The following ADGRD1 variants were observed in gnomAD, a reference collection of about 807,000 sequenced individuals.
The protein encoded by ADGRD1 is adhesion G protein-coupled receptor D1, also known as G-protein coupled receptor 133.
ADGRD1 carries 77 observed loss-of-function variants against 113.4 expected under a neutral mutation model. The observed-to-expected ratio is 0.68, with a 90% CI of 0.57 to 0.82. ADGRD1 has a LOEUF of 0.82. Among genes scored for constraint, ADGRD1 ranks in the 40% least tolerant of loss-of-function variants. The pLI is 0.00. For synonymous variants in ADGRD1, 474 were observed against 475.0 expected (o/e 1.00, Z 0.03); for missense variants, 1,036 against 1,139.1 (o/e 0.91, Z 1.30).
intron 13 of ADGRD1, among the ~76,000 whole-genome samples, chr12:131,036,110 G>A (rs1312769112): frequency 6.6e-6 from 1 of 152,202 alleles, no homozygotes; most frequent in Non-Finnish European, 1.5e-5. Context: ...GGCCCCTGGA[G>A]AGGCATGGGG....
chr12:131,018,146 C>T (rs757817536), intron 13 of ADGRD1, among the ~76,000 whole-genome samples: 8 of 152,302 alleles, frequency 5.3e-5, no homozygotes, highest in Admixed American at 2.6e-4. Flanking sequence ...AGCGGGTCTC[C>T]AGGGTGCCTC....
Position 131,049,698 on chromosome 12 carries a change from C to T in ADGRD1, c.1474-27103C>T, listed in dbSNP as rs140965564. Among the ~76,000 whole-genome samples, 550 of 152,216 alleles carry T rather than the reference C, an allele frequency of 3.6e-3. 6 individuals are homozygous for T. The highest frequency in any genetic ancestry group is 0.013 in the African/African-American group (529 of 41,544). On this transcript the variant is annotated intron_variant, in intron 13 of 24. Coordinates refer to ENST00000261654, the MANE Select transcript of ADGRD1 (RefSeq NM_198827.5). ...CAAGTGTGTGCTGCCGTCTGGGGTGCGAGCAGGGGCGGCCGTGTAGGCTGC... is the reference window on the plus strand; with the variant it reads ...CAAGTGTGTGCTGCCGTCTGGGGTGTGAGCAGGGGCGGCCGTGTAGGCTGC...
In ADGRD1 at chr12:131,120,484, C is replaced by T. The variant is rs548790393; in HGVS notation, c.2109-363C>T. On this transcript the variant is annotated intron_variant, in intron 19 of 24. Coordinates refer to ENST00000261654, the MANE Select transcript of ADGRD1 (RefSeq NM_198827.5). ...GAATGGTCAGGTGCTGCATCGCTGA[C>T]GACTCATCAGGATGGGAATCCCTCA... 2.9e-4 allele frequency among the ~76,000 whole-genome samples: 44 copies of T among 152,222 alleles called. No individual in the cohort carries two copies. The East Asian group carries it at 3.7e-3, about 13-fold the overall frequency.
intron 18 of ADGRD1, among the ~76,000 whole-genome samples, chr12:131,112,462 C>T (rs1162955416): frequency 6.6e-6 from 1 of 152,176 alleles, no homozygotes; most frequent in African/African-American, 2.4e-5. Flanking sequence ...CCCAGGAAGG[C>T]TCTTCTGAGC....
At chr12:131,010,727 G>A (rs1024124986) in intron 12 of ADGRD1, among the ~76,000 whole-genome samples, 18 of 152,176 alleles carry the variant, frequency 1.2e-4, no homozygotes, top group Admixed American at 4.6e-4. Context: ...GAAGGAAGGC[G>A]GATTTGCAAA....
intron 6 of ADGRD1, chr12:130,989,241 G>A (rs1023284860): frequency 1.3e-5 from 2 of 152,192 alleles, no homozygotes; most frequent in African/African-American, 4.8e-5. Flanking sequence ...TTTATGTTAT[G>A]AAAAGCTTCA....
intron 20 of ADGRD1, among the ~76,000 whole-genome samples, chr12:131,126,564 A>G (rs929094348): frequency 6.6e-6 from 1 of 152,168 alleles, no homozygotes; most frequent in Admixed American, 6.5e-5. Context: ...TTTATTCACA[A>G]ATCAACATTC....
At chr12:131,122,476 C>T (rs1215752234) in intron 20 of ADGRD1, among the ~76,000 whole-genome samples, 1 of 152,178 alleles carries the variant, frequency 6.6e-6, no homozygotes, top group Admixed American at 6.5e-5. Flanking sequence ...TAAAGAGTGT[C>T]AGAGGCTTCA....
At chr12:131,047,222 A>G (rs190074481) in intron 13 of ADGRD1, among the ~76,000 whole-genome samples, 1 of 152,228 alleles carries the variant, frequency 6.6e-6, no homozygotes, top group Admixed American at 6.5e-5. Flanking sequence ...CATTGAGGGC[A>G]GGGGCGAGTC....
At chr12:131,033,141 A>G (rs1593081392) in intron 13 of ADGRD1, among the ~76,000 whole-genome samples, 1 of 151,774 alleles carries the variant, frequency 6.6e-6, no homozygotes, top group South Asian at 2.1e-4. Context: ...CTGCATGCCC[A>G]CCCTCCGTGT....
intron 4 of ADGRD1, among the ~76,000 whole-genome samples, chr12:130,975,303 G>C (rs949469796): frequency 1.3e-5 from 2 of 152,158 alleles, no homozygotes; most frequent in East Asian, 3.8e-4. Context: ...GCCGACGATG[G>C]CCTGTCACTT....
At chr12:130,993,269 A>C (rs1336059179) in intron 8 of ADGRD1, among the ~76,000 whole-genome samples, 2 of 151,912 alleles carry the variant, frequency 1.3e-5, no homozygotes, top group East Asian at 1.9e-4. Flanking sequence ...ACACCCAAAG[A>C]AGCACATGCA....
At chr12:131,099,847 G>A (rs985930846) in intron 15 of ADGRD1, among the ~76,000 whole-genome samples, 1 of 152,212 alleles carries the variant, frequency 6.6e-6, no homozygotes, top group Non-Finnish European at 1.5e-5. Flanking sequence ...AGAGCCATAT[G>A]TCTTTCTTTT....
In ADGRD1 at chr12:131,096,509, C is replaced by T. The variant is rs1399542155; in HGVS notation, c.1672-8322C>T. 6.6e-6 allele frequency among the ~76,000 whole-genome samples: 1 copy of T among 152,232 alleles called. No individual in the cohort carries two copies. On this transcript the variant is annotated intron_variant, in intron 15 of 24. Transcript: ENST00000261654. The surrounding 1 kb of genome is among the most constrained non-coding windows in gnomAD (Gnocchi z 5.2). Reference sequence around the variant, plus strand: ...CTCCCGTGTTAACCACTGCATAGCTCTCCCGCGGGTGGACACTGAAGTCAT... The same window carrying T: ...CTCCCGTGTTAACCACTGCATAGCTTTCCCGCGGGTGGACACTGAAGTCAT...
At chr12:131,135,228 CT>C (rs1282035540) in intron 21 of ADGRD1, among the ~76,000 whole-genome samples, 1 of 152,154 alleles carries the variant, frequency 6.6e-6, no homozygotes, top group Admixed American at 6.5e-5. Flanking sequence ...GGTTCTGCCC[CT>C]GATGAAACCC....
At position 131,072,154 on chromosome 12, in the gene ADGRD1, C is replaced by T. The variant is rs112231442; in HGVS notation, c.1474-4647C>T. On this transcript the variant is annotated intron_variant, in intron 13 of 24. Coordinates refer to ENST00000261654, the MANE Select transcript of ADGRD1 (RefSeq NM_198827.5). ...TGCAGGCTGGCACCTGTGCACAAAC[C>T]GAGCGTGAGAATCAGGTGTCTGCGG... Among the ~76,000 whole-genome samples the T allele has an allele frequency of 2.0e-3, 302 of 151,574 alleles. 1 individual carries two copies. The highest frequency in any genetic ancestry group is 6.8e-3 in the African/African-American group (280 of 41,298).
In ADGRD1 at chr12:131,050,485, G is replaced by C. The variant is rs1194828831; in HGVS notation, c.1474-26316G>C. 6.6e-6 allele frequency among the ~76,000 whole-genome samples: 1 copy of C among 152,152 alleles called. No homozygotes were observed. The highest frequency in any genetic ancestry group is 2.4e-5 in the African/African-American group (1 of 41,430). ...GTTTAATTGCCTCACGGTTCTGCAG[G>C]GGGAACAGGAAGCATGGTGCTGACC... On this transcript the variant is annotated intron_variant, in intron 13 of 24. Coordinates refer to ENST00000261654, the MANE Select transcript of ADGRD1 (RefSeq NM_198827.5). The surrounding 1 kb of genome is among the most constrained non-coding windows in gnomAD (Gnocchi z 4.8).
intron 13 of ADGRD1, among the ~76,000 whole-genome samples, chr12:131,059,977 A>G (rs1465297288): frequency 1.3e-5 from 2 of 152,198 alleles, no homozygotes; most frequent in Non-Finnish European, 2.9e-5. Context: ...TTATTATGTT[A>G]TGACACTCTG....
intron 18 of ADGRD1, among the ~76,000 whole-genome samples, chr12:131,111,161 C>A (rs1386493783): frequency 6.6e-6 from 1 of 151,986 alleles, no homozygotes; most frequent in Non-Finnish European, 1.5e-5. Context: ...GGCACCATCT[C>A]GGCTCACTGC....
Sources: gnomAD v4.1 joint callset for allele counts (sites outside exome capture counted in the v4.1 genomes callset) on GRCh38, gnomAD v4.1.1 for gene constraint, Gnocchi (gnomAD v3.1) non-coding constraint, MANE v1.5 for transcripts, NCBI Gene and HGNC (gene_info 2026-07-23, HGNC 2026-07-21) for gene names.